The following EHBP1 variants were observed in gnomAD, a reference collection of about 807,000 sequenced individuals.
EHBP1 encodes the protein EH domain binding protein 1, also known as EH domain-binding protein 1.
In EHBP1, 55 loss-of-function variants were observed where a neutral mutation model predicts 144.0. That is an observed-to-expected ratio of 0.38 (90% CI 0.31 to 0.48). The LOEUF (loss-of-function observed/expected upper bound fraction) is 0.48. EHBP1 is among the 20% of genes least tolerant of loss of function. EHBP1 has a pLI of 0.98. For missense variants in EHBP1, 1,200 were observed against 1,364.2 expected, an observed-to-expected ratio of 0.88 and a Z score of 1.90; for synonymous variants, 469 against 472.7, an observed-to-expected ratio of 0.99 and a Z score of 0.10.
At chr2:62,875,705 A>T (rs1185012055) in intron 10 of EHBP1, among the ~76,000 whole-genome samples, 1 of 152,228 alleles carries the variant, frequency 6.6e-6, no homozygotes, top group South Asian at 2.1e-4. Flanking sequence ...ATCAAGATTC[A>T]GGAGAAAGTT....
intron 5 of EHBP1, among the ~76,000 whole-genome samples, chr2:62,798,636 G>A (rs1188967029): frequency 6.6e-6 from 1 of 152,172 alleles, no homozygotes; most frequent in Admixed American, 6.5e-5. Flanking sequence ...AACAGCGCCA[G>A]ACACATGGTA....
intron 9 of EHBP1, among the ~76,000 whole-genome samples, chr2:62,870,715 C>CAA (rs57276181): frequency 6.6e-5 from 6 of 90,274 alleles, no homozygotes; most frequent in East Asian, 3.2e-4. Flanking sequence ...GACTGCATCT[C>CAA]AAAAAAAAAA....
intron 13 of EHBP1, among the ~76,000 whole-genome samples, chr2:62,951,921 A>G (rs2057414482): frequency 6.6e-6 from 1 of 152,224 alleles, no homozygotes; most frequent in African/African-American, 2.4e-5. Flanking sequence ...TGGACTGGGA[A>G]TCAGTAAGCC....
At chr2:62,887,891 A>G (rs754580589) in intron 10 of EHBP1, among the ~76,000 whole-genome samples, 15 of 152,198 alleles carry the variant, frequency 9.9e-5, no homozygotes, top group Admixed American at 3.3e-4. Flanking sequence ...TTTTTCTTCA[A>G]GGTCATTGCT....
chr2:63,036,798 T>G (rs1047078402), intron 19 of EHBP1, among the ~76,000 whole-genome samples: 1 of 151,934 alleles, frequency 6.6e-6, no homozygotes, highest in Non-Finnish European at 1.5e-5. Context: ...TGTGAGGAAG[T>G]GGCAGGGTGG....
intron 7 of EHBP1, among the ~76,000 whole-genome samples, chr2:62,843,171 A>G (rs751263875): frequency 7.9e-5 from 12 of 152,160 alleles, no homozygotes; most frequent in African/African-American, 4.8e-5. Flanking sequence ...AATAGAAACT[A>G]TGTTCTAATC....
At chr2:62,817,521 A>T (rs1239793580) in intron 5 of EHBP1, among the ~76,000 whole-genome samples, 6 of 152,208 alleles carry the variant, frequency 3.9e-5, no homozygotes, top group Non-Finnish European at 7.4e-5. Flanking sequence ...AGGCCTGGTG[A>T]TATAGGGCCT....
intron 3 of EHBP1, among the ~76,000 whole-genome samples, chr2:62,756,931 A>G (rs1004726033): frequency 1.3e-5 from 2 of 152,154 alleles, no homozygotes; most frequent in East Asian, 3.8e-4. Flanking sequence ...GAGATCCATG[A>G]CATTTCAGAA....
upstream of EHBP1, among the ~76,000 whole-genome samples, chr2:62,701,672 A>G (rs866275706): frequency 1.3e-5 from 2 of 152,186 alleles, no homozygotes; most frequent in Non-Finnish European, 2.9e-5. Flanking sequence ...AATATTTAAC[A>G]CTTGGAAAAA....
chr2:63,034,129 A>G (rs1020948239), intron 19 of EHBP1, among the ~76,000 whole-genome samples: 1 of 152,126 alleles, frequency 6.6e-6, no homozygotes, highest in African/African-American at 2.4e-5. Flanking sequence ...CAGAGATTAT[A>G]TTAAGTAGTC....
Position 62,970,269 on chromosome 2 carries a change from A to T in EHBP1, c.2461-8919A>T, listed in dbSNP as rs538934025. On this transcript the variant is annotated intron_variant, in intron 14 of 22. Transcript: ENST00000431489. ...AGCAGCTCTAAGTAAAACTTTTTTTAAAAAAATTTAGATAGGTTAAAATTT... is the reference window on the plus strand; with the variant it reads ...AGCAGCTCTAAGTAAAACTTTTTTTTAAAAAATTTAGATAGGTTAAAATTT... Among the ~76,000 whole-genome samples the T allele has an allele frequency of 1.9e-3, 294 of 152,152 alleles. 1 individual carries two copies. The highest frequency in any genetic ancestry group is 3.4e-3 in the Non-Finnish European group (234 of 67,968).
At chr2:62,892,649 G>A (rs931617549) in intron 10 of EHBP1, among the ~76,000 whole-genome samples, 1 of 151,926 alleles carries the variant, frequency 6.6e-6, no homozygotes. Flanking sequence ...ACCTTATACA[G>A]CAGATGTTAT....
In EHBP1 at chr2:63,028,043, G is replaced by A. The variant is rs145334114; in HGVS notation, c.3104-9492G>A. Reference sequence around the variant, plus strand: ...CTCTGAAAGTGCTGGGATTACAGGCGTGAGCCACCACACCTGGCCTTTAAC... The same window carrying A: ...CTCTGAAAGTGCTGGGATTACAGGCATGAGCCACCACACCTGGCCTTTAAC... On this transcript the variant is annotated intron_variant, in intron 19 of 22. Coordinates refer to ENST00000431489, the MANE Select transcript of EHBP1 (RefSeq NM_001142616.3). Among the ~76,000 whole-genome samples the A allele has an allele frequency of 7.0e-3, 1,058 of 152,082 alleles. 11 individuals carry two copies. The highest frequency in any genetic ancestry group is 0.023 in the African/African-American group (965 of 41,466).
chr2:62,674,814 A>G (rs934096212), intron 1 of EHBP1, among the ~76,000 whole-genome samples: 4 of 152,190 alleles, frequency 2.6e-5, no homozygotes, highest in Non-Finnish European at 5.9e-5. Context: ...TTTTATTTTT[A>G]GAGACAGGGT....
chr2:62,904,537 C>A lies in EHBP1; in HGVS notation c.1185+30005C>A, dbSNP rs549875793. 2.0e-5 allele frequency among the ~76,000 whole-genome samples: 3 copies of A among 152,318 alleles called. No individual in the cohort carries two copies. In the South Asian group the frequency reaches 6.2e-4, roughly 32 times the overall value. On this transcript the variant is annotated intron_variant, in intron 10 of 22. Transcript: ENST00000431489. ...AACTTGAGCCCATGTGCTTCACCCC[C>A]CCGGCCCATGGGCTGCCCGATGGTG...
chr2:63,000,823 T>C (rs1311583056), intron 19 of EHBP1, among the ~76,000 whole-genome samples: 1 of 152,158 alleles, frequency 6.6e-6, no homozygotes, highest in Non-Finnish European at 1.5e-5. Flanking sequence ...CTTAATGGTG[T>C]GTGTGTGTGT....
intron 10 of EHBP1, among the ~76,000 whole-genome samples, chr2:62,921,622 A>T (rs2055094061): frequency 6.6e-6 from 1 of 152,228 alleles, no homozygotes; most frequent in African/African-American, 2.4e-5. Context: ...GGCATACAGA[A>T]AACAACTAGC....
At chr2:62,863,829 T>C (rs2049805806) in intron 8 of EHBP1, among the ~76,000 whole-genome samples, 6 of 144,918 alleles carry the variant, frequency 4.1e-5, no homozygotes, top group Admixed American at 3.6e-4. Context: ...TAAATTTTAT[T>C]TTTCTGTGTT....
chr2:62,710,790 C>T (rs555032680), intron 2 of EHBP1, among the ~76,000 whole-genome samples: 3 of 152,252 alleles, frequency 2.0e-5, no homozygotes, highest in Admixed American at 2.0e-4. Context: ...CCAGCTTAGT[C>T]TTCCAATTAG....
Sources: allele counts gnomAD v4.1 joint callset (sites outside exome capture counted in the v4.1 genomes callset), GRCh38; gene constraint gnomAD v4.1.1; transcripts MANE v1.5; gene names NCBI Gene and HGNC (gene_info 2026-07-23, HGNC 2026-07-21).